WNT4: variants seen among roughly 807,000 people sequenced by gnomAD.
WNT4 encodes the protein protein Wnt-4.
In WNT4, 16 loss-of-function variants were observed where a neutral mutation model predicts 34.5. The ratio of observed to expected loss-of-function variants is 0.46; its 90% CI spans 0.31 to 0.70. The LOEUF (loss-of-function observed/expected upper bound fraction) is 0.70, where lower values mean the gene tolerates loss of function less well. WNT4 is among the 30% of genes least tolerant of loss of function. The pLI is 0.04. For missense variants in WNT4, 379 were observed against 495.9 expected (o/e 0.76, Z 2.24); for synonymous variants, 200 against 211.9 (o/e 0.94, Z 0.49).
chr1:22,131,962 A>G (rs999175012), intron 1 of WNT4, among the ~76,000 whole-genome samples: 7 of 152,162 alleles, frequency 4.6e-5, no homozygotes, highest in African/African-American at 1.7e-4. Context: ...CAGAGGCTGC[A>G]TTTGGAAGGG....
At position 22,121,445 on chromosome 1, in the gene WNT4, C is replaced by G. The variant is rs763041262; in HGVS notation, c.445G>C (p.Gly149Arg). 3 of 1,614,034 alleles carry G rather than the reference C, an allele frequency of 1.9e-6. No individual in the cohort carries two copies. The South Asian group carries it at 3.3e-5, about 18-fold the overall frequency. ...DRTVHGVSPQGFQWSGCSDNI... is the reference protein window; with the variant it reads ...DRTVHGVSPQRFQWSGCSDNI... ...CACTCTGACCACCTCCTGCACCTACCCTGTGGGCTGACCCCATGCACTGTC... is the reference window on the plus strand; with the variant it reads ...CACTCTGACCACCTCCTGCACCTACGCTGTGGGCTGACCCCATGCACTGTC... Residue 149 changes from glycine (G) to arginine (R), a missense_variant and splice_region_variant, in exon 3 of 5, where the codon GGC (glycine) becomes CGC (arginine). Physicochemically the swap from Gly to Arg is moderately radical, Grantham distance 125. Around this residue, in one of 2 missense-constraint regions of WNT4, gnomAD observed 313 missense variants for 445.8 expected, o/e 0.70. Coordinates refer to ENST00000290167, the MANE Select transcript of WNT4 (RefSeq NM_030761.5).
chr1:22,136,279 C>T (rs577691170), intron 1 of WNT4, among the ~76,000 whole-genome samples: 1 of 152,144 alleles, frequency 6.6e-6, no homozygotes, highest in African/African-American at 2.4e-5. Context: ...ACCTTGTCCC[C>T]CAATTTGCCA....
Position 22,120,146 on chromosome 1 carries a change from C to T in WNT4, c.960G>A (p.Val320=), listed in dbSNP as rs938909468. ...CCGRGFHTAQ[V]ELAERCSCKF... ...TGCAGCTGCAGCGTTCAGCCAGCTC[C>T]ACCTGCGCCGTGTGGAAGCCGCGGC... Residue 320 remains valine (V), a synonymous_variant, in exon 5 of 5, where the codon GTG becomes GTA. Transcript: ENST00000290167. 5 of 1,613,504 alleles carry T rather than the reference C, an allele frequency of 3.1e-6. No homozygotes were observed. Among genetic ancestry groups the T allele is most frequent in the Non-Finnish European group, 4.2e-6 (5 of 1,179,892 alleles).
At chr1:22,123,901 G>A (rs2124105139) in intron 2 of WNT4, among the ~76,000 whole-genome samples, 1 of 152,364 alleles carries the variant, frequency 6.6e-6, no homozygotes, top group African/African-American at 2.4e-5. Context: ...ATGGTGAACA[G>A]TTGGCCTCTG....
chr1:22,122,648 G>C (rs930028243), intron 2 of WNT4, among the ~76,000 whole-genome samples: 12 of 151,906 alleles, frequency 7.9e-5, no homozygotes, highest in Non-Finnish European at 1.5e-4. Context: ...TCTGTCTCTT[G>C]CCTGAGTGTC....
chr1:22,133,619 G>A (rs557508350), intron 1 of WNT4, among the ~76,000 whole-genome samples: 1 of 152,362 alleles, frequency 6.6e-6, no homozygotes, highest in East Asian at 1.9e-4. Context: ...CCCAATTTAG[G>A]CTCCTTCCTG....
At chr1:22,132,098 A>G (rs1557929163) in intron 1 of WNT4, among the ~76,000 whole-genome samples, 1 of 152,298 alleles carries the variant, frequency 6.6e-6, no homozygotes, top group African/African-American at 2.4e-5. Flanking sequence ...GAGCCCGGCT[A>G]CTGGCTGTGG....
intron 1 of WNT4, among the ~76,000 whole-genome samples, chr1:22,138,988 G>A (rs1182906254): frequency 6.6e-6 from 1 of 152,212 alleles, no homozygotes; most frequent in Admixed American, 6.5e-5. Context: ...GCACGGAAAG[G>A]TGCTCCCAGC....
In WNT4 at chr1:22,140,641, A is replaced by G. The variant is rs1349591679; in HGVS notation, c.77+2205T>C. Among the ~76,000 whole-genome samples, 1 of 152,186 alleles carries G rather than the reference A, an allele frequency of 6.6e-6. No homozygotes were observed. The highest frequency in any genetic ancestry group is 2.4e-5 in the African/African-American group (1 of 41,438). ...CCAGCTGATTGTTCGACAGAGGTTG[A>G]TAAATATTGGACCAACCTTGGTATG... On this transcript the variant is annotated intron_variant, in intron 1 of 4. Coordinates refer to ENST00000290167, the MANE Select transcript of WNT4 (RefSeq NM_030761.5). The surrounding 1 kb of genome is among the most constrained non-coding windows in gnomAD (Gnocchi z 5.9).
At chr1:22,122,837 G>C (rs1288179233) in intron 2 of WNT4, among the ~76,000 whole-genome samples, 2 of 152,166 alleles carry the variant, frequency 1.3e-5, no homozygotes, top group Non-Finnish European at 2.9e-5. Context: ...CACTGGGGTG[G>C]GAGGCAGCTC....
intron 1 of WNT4, 70 bp from the exon 2 acceptor site, chr1:22,129,921 C>G: frequency 1.9e-6 from 3 of 1,564,618 alleles, no homozygotes; most frequent in Non-Finnish European, 2.6e-6. Context: ...CAGGCCTGAG[C>G]TCCAGCCCGG....
chr1:22,120,072 A>G lies in WNT4; in HGVS notation c.1034T>C (p.Val345Ala), dbSNP rs777777856. ...CGGTCATCGGCACGTGTGCAACTCCACGAGCCGCTGGCACTGCCGGCACTT... is the reference window on the plus strand; with the variant it reads ...CGGTCATCGGCACGTGTGCAACTCCGCGAGCCGCTGGCACTGCCGGCACTT... ...FVKCRQCQRLVELHTCR is the reference protein window; with the variant it reads ...FVKCRQCQRLAELHTCR Residue 345 changes from valine to alanine, a missense_variant, in exon 5 of 5, where the codon GTG (valine) becomes GCG (alanine). Around this residue, in one of 2 missense-constraint regions of WNT4, gnomAD observed 313 missense variants for 445.8 expected, o/e 0.70. Transcript: ENST00000290167. The G allele has an allele frequency of 6.2e-7, 1 of 1,608,776 alleles. No homozygotes were observed. The highest frequency in any genetic ancestry group is 1.7e-5 in the Admixed American group (1 of 59,968).
At chr1:22,129,952 C>A in intron 1 of WNT4, 101 bp from the exon 2 acceptor site, 1 of 1,376,452 alleles carries the variant, frequency 7.3e-7, no homozygotes, top group Non-Finnish European at 1.0e-6. Context: ...ACTGACTCGT[C>A]CCAGTGACTG....
intron 1 of WNT4, among the ~76,000 whole-genome samples, chr1:22,138,413 A>C (rs1183958093): frequency 6.8e-6 from 1 of 146,974 alleles, no homozygotes; most frequent in Non-Finnish European, 1.5e-5. Flanking sequence ...CCCGCCCCCC[A>C]GGGGACATTT....
At position 22,137,608 on chromosome 1, in the gene WNT4, T is replaced by C. The variant is rs1464999290; in HGVS notation, c.77+5238A>G. ...GAGTTTCAACAGGTTTGGGGAGCAC[T>C]GTCTTGTCAGATGCTTGCTGTGTTG... On this transcript the variant is annotated intron_variant, in intron 1 of 4. Coordinates refer to ENST00000290167, the MANE Select transcript of WNT4 (RefSeq NM_030761.5). The surrounding 1 kb of genome is among the most constrained non-coding windows in gnomAD (Gnocchi z 5.3). Among the ~76,000 whole-genome samples the C allele has an allele frequency of 1.3e-5, 2 of 152,252 alleles. No individual in the cohort carries two copies. Among genetic ancestry groups the C allele is most frequent in the Admixed American group, 1.3e-4 (2 of 15,288 alleles).
At chr1:22,138,624 A>T (rs1646041290) in intron 1 of WNT4, among the ~76,000 whole-genome samples, 1 of 152,164 alleles carries the variant, frequency 6.6e-6, no homozygotes, top group Non-Finnish European at 1.5e-5. Flanking sequence ...GGTGTTTGTG[A>T]TTGTAATTCA....
intron 1 of WNT4, among the ~76,000 whole-genome samples, chr1:22,131,896 A>G (rs1040147490): frequency 6.6e-6 from 1 of 152,158 alleles, no homozygotes; most frequent in East Asian, 1.9e-4. Flanking sequence ...AGGCCCAGGC[A>G]GGAGCTCGGA....
chr1:22,127,360 G>T (rs777682738), intron 2 of WNT4: 6 of 533,010 alleles, frequency 1.1e-5, no homozygotes, highest in Admixed American at 1.9e-5. Context: ...GAGTACCCAC[G>T]ATGGCTTCAG....
chr1:22,138,572 G>A (rs1275095283), intron 1 of WNT4, among the ~76,000 whole-genome samples: 3 of 152,306 alleles, frequency 2.0e-5, no homozygotes, highest in African/African-American at 7.2e-5. Context: ...CCAGTGATAC[G>A]GAGGCTGAGA....
Sources: allele counts gnomAD v4.1 joint callset (sites outside exome capture counted in the v4.1 genomes callset), GRCh38; gene constraint gnomAD v4.1.1; regional missense constraint gnomAD v4.1.1; non-coding constraint Gnocchi (gnomAD v3.1); transcripts MANE v1.5; gene names NCBI Gene and HGNC (gene_info 2026-07-23, HGNC 2026-07-21).